Variants in DGKB observed in about 807,000 individuals in gnomAD.
DGKB encodes 90 kDa diacylglycerol kinase.
DGKB carries 67 observed loss-of-function variants against 114.3 expected under a neutral mutation model. The ratio of observed to expected loss-of-function variants is 0.59; its 90% CI spans 0.48 to 0.72. The LOEUF (loss-of-function observed/expected upper bound fraction) is 0.72, where lower values mean the gene tolerates loss of function less well. Ranked by LOEUF, DGKB falls within the 30% of genes least tolerant of loss-of-function variation. The pLI is 0.00. For missense variants in DGKB, 907 were observed against 975.2 expected, an observed-to-expected ratio of 0.93 and a Z score of 0.93; for synonymous variants, 398 against 323.1, an observed-to-expected ratio of 1.23 and a Z score of -2.49.
At chr7:14,257,577 T>C (rs1329438132) in intron 23 of DGKB, among the ~76,000 whole-genome samples, 1 of 152,128 alleles carries the variant, frequency 6.6e-6, no homozygotes, top group Non-Finnish European at 1.5e-5. Flanking sequence ...TAGTGAGTTC[T>C]CATGAGATCT....
At chr7:14,418,669 G>A (rs534834240) in intron 21 of DGKB, among the ~76,000 whole-genome samples, 18 of 151,850 alleles carry the variant, frequency 1.2e-4, no homozygotes, top group African/African-American at 4.1e-4. Flanking sequence ...TTGAAAAATG[G>A]GTTAGGCTTG....
chr7:14,323,011 A>G (rs1261399678), intron 23 of DGKB, among the ~76,000 whole-genome samples: 1 of 152,198 alleles, frequency 6.6e-6, no homozygotes, highest in African/African-American at 2.4e-5. Flanking sequence ...ATAGCTGAAC[A>G]TGCACATACC....
chr7:14,890,695 G>T (rs922204886), intron 1 of DGKB, among the ~76,000 whole-genome samples: 3 of 150,598 alleles, frequency 2.0e-5, no homozygotes, highest in African/African-American at 4.9e-5. Flanking sequence ...AAAATACACC[G>T]GCTAATCACC....
intron 4 of DGKB, among the ~76,000 whole-genome samples, chr7:14,736,954 G>C (rs767376406): frequency 1.9e-4 from 29 of 152,208 alleles, no homozygotes; most frequent in Non-Finnish European, 3.1e-4. Flanking sequence ...TCTCCTTGCA[G>C]ATGAAGGCAG....
At chr7:14,204,283 A>G (rs1311172502) in intron 23 of DGKB, among the ~76,000 whole-genome samples, 1 of 152,002 alleles carries the variant, frequency 6.6e-6, no homozygotes, top group Non-Finnish European at 1.5e-5. Flanking sequence ...ATCTGAATAC[A>G]TGAAAACTTG....
chr7:14,186,592 A>G lies in DGKB; in HGVS notation c.2123-8441T>C, dbSNP rs549052474. 2.0e-5 allele frequency among the ~76,000 whole-genome samples: 3 copies of G among 152,356 alleles called. No homozygotes were observed. In the East Asian group the frequency reaches 5.8e-4, roughly 29 times the overall value. On this transcript the variant is annotated intron_variant, in intron 23 of 25. Coordinates refer to ENST00000402815, the MANE Select transcript of DGKB (RefSeq NM_001350709.2). ...ATGCATGTTTATAGCAGCACAATTC[A>G]CAATTGCAAAATTGTGGAACCAACC...
chr7:14,235,050 C>T (rs1792549117), intron 23 of DGKB, among the ~76,000 whole-genome samples: 1 of 152,008 alleles, frequency 6.6e-6, no homozygotes, highest in South Asian at 2.1e-4. Context: ...CTCTTCTTCT[C>T]CCTCTCAGAC....
chr7:14,199,612 G>C (rs922537979), intron 23 of DGKB, among the ~76,000 whole-genome samples: 2 of 152,012 alleles, frequency 1.3e-5, no homozygotes, highest in Non-Finnish European at 2.9e-5. Flanking sequence ...ATGATGCCCA[G>C]GTGTTCTAGG....
At chr7:14,701,658 G>A in intron 7 of DGKB, 23 bp downstream of exon 7, 1 of 1,575,036 alleles carries the variant, frequency 6.3e-7, no homozygotes, top group South Asian at 1.1e-5. Context: ...AGTTTTCACA[G>A]AAACTTTGAA....
chr7:14,931,690 C>T (rs1224480945), intron 1 of DGKB, among the ~76,000 whole-genome samples: 1 of 152,108 alleles, frequency 6.6e-6, no homozygotes, highest in Non-Finnish European at 1.5e-5. Context: ...GGATTCCTCT[C>T]AGACCACGGC....
intron 20 of DGKB, among the ~76,000 whole-genome samples, chr7:14,519,244 A>G (rs1299446064): frequency 6.6e-6 from 1 of 151,998 alleles, no homozygotes; most frequent in Non-Finnish European, 1.5e-5. Flanking sequence ...TCTGTTTGCA[A>G]TCAATCTCTC....
At chr7:14,931,378 G>C (rs569297046) in intron 1 of DGKB, among the ~76,000 whole-genome samples, 1 of 152,136 alleles carries the variant, frequency 6.6e-6, no homozygotes, top group South Asian at 2.1e-4. Context: ...CCAAAGTGCT[G>C]GGATTACAGG....
At chr7:14,236,664 T>C (rs1792833957) in intron 23 of DGKB, among the ~76,000 whole-genome samples, 1 of 151,990 alleles carries the variant, frequency 6.6e-6, no homozygotes, top group South Asian at 2.1e-4. Context: ...GTGAAATTTT[T>C]TCCCCCTATG....
chr7:14,903,596 A>G (rs538474738), upstream of DGKB, among the ~76,000 whole-genome samples: 1 of 152,100 alleles, frequency 6.6e-6, no homozygotes, highest in African/African-American at 2.4e-5. Flanking sequence ...ACTTCTACCA[A>G]TTGTAGCAGC....
intron 2 of DGKB, among the ~76,000 whole-genome samples, chr7:14,767,108 G>T (rs1280085431): frequency 1.3e-5 from 2 of 151,108 alleles, no homozygotes; most frequent in Admixed American, 1.3e-4. Flanking sequence ...GCAGTAGCTG[G>T]ACTGCAAGAA....
chr7:14,948,713 T>C (rs947659635), intron 1 of DGKB, among the ~76,000 whole-genome samples: 6 of 151,768 alleles, frequency 4.0e-5, no homozygotes, highest in Non-Finnish European at 8.8e-5. Flanking sequence ...GTGTTCTCTA[T>C]TACATTTAGT....
chr7:14,845,762 A>G (rs1848546117), intron 1 of DGKB, among the ~76,000 whole-genome samples: 1 of 152,106 alleles, frequency 6.6e-6, no homozygotes, highest in East Asian at 1.9e-4. Flanking sequence ...GGAGACAAGA[A>G]CAGAAGTCAC....
intron 19 of DGKB, among the ~76,000 whole-genome samples, chr7:14,577,845 A>C (rs543567017): frequency 4.3e-4 from 65 of 152,336 alleles, no homozygotes; most frequent in Non-Finnish European, 8.2e-4. Context: ...AGATTCCCTG[A>C]ATCTTAAGTG....
chr7:14,646,926 A>G (rs985478921), intron 13 of DGKB, among the ~76,000 whole-genome samples: 4 of 151,972 alleles, frequency 2.6e-5, no homozygotes, highest in African/African-American at 9.7e-5. Flanking sequence ...CTAGAAAAGC[A>G]AGAACAAACT....
Sources: gnomAD v4.1 joint callset for allele counts (sites outside exome capture counted in the v4.1 genomes callset) on GRCh38, gnomAD v4.1.1 for gene constraint, MANE v1.5 for transcripts, NCBI Gene and HGNC (gene_info 2026-07-23, HGNC 2026-07-21) for gene names.